Variants in NDP observed in about 807,000 individuals in gnomAD.
NDP encodes norrin.
A neutral mutation model predicts 8.4 loss-of-function variants in NDP; 2 were observed. The ratio of observed to expected loss-of-function variants is 0.24; its 90% CI spans 0.10 to 0.75. The LOEUF (loss-of-function observed/expected upper bound fraction) is 0.75. NDP is among the 30% of genes least tolerant of loss of function. The probability of loss-of-function intolerance (pLI) is 0.73; values close to 1 mark genes in which losing one functional copy is unlikely to be tolerated. For synonymous variants in NDP, 55 were observed against 45.6 expected, an observed-to-expected ratio of 1.21 and a Z score of -0.83; for missense variants, 81 against 110.1, an observed-to-expected ratio of 0.74 and a Z score of 1.18.
chrX:43,972,790 G>A (rs1243773726), intron 1 of NDP, among the ~76,000 whole-genome samples: 1 of 112,802 alleles, frequency 8.9e-6, no homozygotes, highest in African/African-American at 3.2e-5. Context: ...ATTGTTTGAA[G>A]TCATTCTGAG....
intron 1 of NDP, 40 bp from the exon 2 acceptor site, chrX:43,958,892 A>G (rs1674921035): frequency 7.8e-6 from 3 of 384,617 alleles, no homozygotes; most frequent in Non-Finnish European, 1.4e-5. Flanking sequence ...AGAATTATTT[A>G]CCCAGAACCA....
chrX:43,949,717 C>G lies in NDP; in HGVS notation c.*82G>C. 6.2e-6 allele frequency: 6 copies of G among 969,438 alleles called. No individual in the cohort carries two copies. Among genetic ancestry groups the G allele is most frequent in the Non-Finnish European group, 8.6e-6 (6 of 693,835 alleles). 79.9% of individuals were successfully genotyped at this position (969,438 alleles called of 1,213,427 possible). Reference sequence around the variant, plus strand: ...ATTGTTGCATCCTTTTTTGCCTTAACTCTTTTCTTGCCAGTCTTTCCCTGG... The same window carrying G: ...ATTGTTGCATCCTTTTTTGCCTTAAGTCTTTTCTTGCCAGTCTTTCCCTGG... On this transcript the variant is annotated 3_prime_UTR_variant, in exon 3 of 3. Coordinates refer to ENST00000642620, the MANE Select transcript of NDP (RefSeq NM_000266.4).
chrX:43,949,717 C>T lies in NDP; in HGVS notation c.*82G>A. 8 of 969,438 alleles carry T rather than the reference C, an allele frequency of 8.3e-6. No homozygotes were observed. The highest frequency in any genetic ancestry group is 1.0e-5 in the Non-Finnish European group (7 of 693,835). 79.9% of individuals were successfully genotyped at this position (969,438 alleles called of 1,213,427 possible). ...ATTGTTGCATCCTTTTTTGCCTTAACTCTTTTCTTGCCAGTCTTTCCCTGG... is the reference window on the plus strand; with the variant it reads ...ATTGTTGCATCCTTTTTTGCCTTAATTCTTTTCTTGCCAGTCTTTCCCTGG... On this transcript the variant is annotated 3_prime_UTR_variant, in exon 3 of 3. Coordinates refer to ENST00000642620, the MANE Select transcript of NDP (RefSeq NM_000266.4).
In NDP at chrX:43,958,545, G is replaced by A. The variant is rs144031424; in HGVS notation, c.101C>T (p.Ser34Leu). Reference sequence around the variant, plus strand: ...GTGCCTCATGCAGCGTCGAGGGTCCGAGTCCATTATGAATGAGCTGTCCGT... The same window carrying A: ...GTGCCTCATGCAGCGTCGAGGGTCCAAGTCCATTATGAATGAGCTGTCCGT... ...SKTDSSFIMDSDPRRCMRHHY... is the reference protein window; with the variant it reads ...SKTDSSFIMDLDPRRCMRHHY... Residue 34 changes from serine (S) to leucine (L), a missense_variant, in exon 2 of 3, where the codon TCG becomes TTG. By Grantham distance (145) the Ser-to-Leu change is moderately radical. Coordinates refer to ENST00000642620, the MANE Select transcript of NDP (RefSeq NM_000266.4). 44 of 1,210,034 alleles carry A rather than the reference G, an allele frequency of 3.6e-5. No individual in the cohort carries two copies. The highest frequency in any genetic ancestry group is 5.2e-5 in the African/African-American group (3 of 57,369).
intron 2 of NDP, among the ~76,000 whole-genome samples, chrX:43,951,912 C>T (rs2035765597): frequency 8.9e-6 from 1 of 112,143 alleles, no homozygotes; most frequent in African/African-American, 3.2e-5. Flanking sequence ...TTTTTTAAAG[C>T]TTTTGATTCT....
intron 1 of NDP, among the ~76,000 whole-genome samples, chrX:43,970,659 G>T (rs1045147050): frequency 1.8e-5 from 2 of 111,394 alleles, no homozygotes; most frequent in Admixed American, 9.5e-5. Flanking sequence ...TTGAATTTAG[G>T]CCAGGCCCAG....
chrX:43,966,284 C>G (rs1246486578), intron 1 of NDP, among the ~76,000 whole-genome samples: 2 of 111,658 alleles, frequency 1.8e-5, no homozygotes, highest in Non-Finnish European at 3.8e-5. Context: ...CTCTTCTATC[C>G]TTTCTTCAAT....
Position 43,949,665 on chromosome X carries a change from T to C in NDP, c.*134A>G. 2 of 584,470 alleles carry C rather than the reference T, an allele frequency of 3.4e-6. No homozygotes were observed. 48.2% of individuals were successfully genotyped at this position (584,470 alleles called of 1,213,427 possible). ...GTCAACAAGCATGTAGAGTCTTTAT[T>C]ACTAGAATATGCAGAGTCCCGGGAG... On this transcript the variant is annotated 3_prime_UTR_variant, in exon 3 of 3. Transcript: ENST00000642620.
rs897261332 is a variant in NDP, at chrX:43,949,076, A to G, written c.*723T>C. On this transcript the variant is annotated 3_prime_UTR_variant, in exon 3 of 3. Coordinates refer to ENST00000642620, the MANE Select transcript of NDP (RefSeq NM_000266.4). ...TCAGTGCAGGATCCGTATTTGTGCA[A>G]GTCTTTAAAAGTCTGCTCCCTTACA... The G allele has an allele frequency of 5.3e-5, 6 of 113,356 alleles. No individual in the cohort carries two copies. Among genetic ancestry groups the G allele is most frequent in the South Asian group, 7.3e-4 (2 of 2,729 alleles). The allele number at this position is 113,356 out of a possible 1,213,427, so 9.3% of individuals were successfully genotyped here. A position where few individuals can be genotyped will look rare whatever the true frequency, so the allele number is the denominator to read the frequency against.
At chrX:43,951,434 A>T (rs2035761334) in intron 2 of NDP, among the ~76,000 whole-genome samples, 1 of 111,242 alleles carries the variant, frequency 9.0e-6, no homozygotes. Flanking sequence ...AGAAAAGAAA[A>T]GAAAAATTTG....
chrX:43,958,415 A>C (rs2035807752), intron 2 of NDP, 57 bp downstream of exon 2: 1 of 1,164,755 alleles, frequency 8.6e-7, no homozygotes, highest in Admixed American at 2.2e-5. Context: ...ACAAAGAAAT[A>C]TGGCTTCTTG....
intron 1 of NDP, among the ~76,000 whole-genome samples, chrX:43,972,130 A>G (rs1020973580): frequency 8.9e-6 from 1 of 111,793 alleles, no homozygotes; most frequent in African/African-American, 3.3e-5. Context: ...AAAATACACT[A>G]ATATTAGAAA....
At chrX:43,967,952 AG>A (rs1216020236) in intron 1 of NDP, among the ~76,000 whole-genome samples, 1 of 111,511 alleles carries the variant, frequency 9.0e-6, no homozygotes, top group Non-Finnish European at 1.9e-5. Context: ...GAAAAAAAAA[AG>A]AAAAAAGAAA....
At chrX:43,966,546 C>T (rs11091176) in intron 1 of NDP, 36,387 of 110,303 alleles carry the variant, frequency 0.33, 4,641 homozygotes, top group African/African-American at 0.44. Context: ...AGGAGAGTTC[C>T]GAGACACCCA....
chrX:43,954,483 A>G (rs1472796940), intron 2 of NDP: 2 of 111,277 alleles, frequency 1.8e-5, no homozygotes, highest in East Asian at 5.6e-4. Flanking sequence ...GAAGGCAAAA[A>G]AATTGTCTCT....
intron 2 of NDP, among the ~76,000 whole-genome samples, chrX:43,957,169 G>T (rs1415781654): frequency 8.9e-6 from 1 of 111,808 alleles, no homozygotes; most frequent in Admixed American, 9.5e-5. Flanking sequence ...TGAAGGGGGA[G>T]GGAAGGAGAA....
chrX:43,950,057 T>C (rs377229763), intron 2 of NDP, 31 bp from the exon 3 acceptor site: 8 of 1,130,337 alleles, frequency 7.1e-6, no homozygotes, highest in African/African-American at 1.8e-5. Context: ...GGTTACTCTG[T>C]GGGCATGCCA....
chrX:43,951,471 G>T (rs1170584223), intron 2 of NDP, among the ~76,000 whole-genome samples: 1 of 111,320 alleles, frequency 9.0e-6, no homozygotes, highest in African/African-American at 3.3e-5. Flanking sequence ...CCAACAGCAA[G>T]ATCATAAAAA....
At chrX:43,958,115 G>T (rs2035805846) in intron 2 of NDP, among the ~76,000 whole-genome samples, 2 of 110,861 alleles carry the variant, frequency 1.8e-5, no homozygotes, top group South Asian at 3.9e-4. Context: ...CTGCTCAATC[G>T]CATTCTTTGC....
Sources: allele counts gnomAD v4.1 joint callset (sites outside exome capture counted in the v4.1 genomes callset), GRCh38; gene constraint gnomAD v4.1.1; transcripts MANE v1.5; gene names NCBI Gene and HGNC (gene_info 2026-07-23, HGNC 2026-07-21).